The following RNF157 variants were observed in gnomAD, a reference collection of about 807,000 sequenced individuals.
RNF157 encodes the protein ring finger protein 157.
RNF157 carries 55 observed loss-of-function variants against 88.3 expected under a neutral mutation model. That is an observed-to-expected ratio of 0.62 (90% CI 0.50 to 0.78). The LOEUF (loss-of-function observed/expected upper bound fraction) is 0.78, where lower values mean the gene tolerates loss of function less well. RNF157 is among the 30% of genes least tolerant of loss of function. The probability of loss-of-function intolerance (pLI) is 0.00; values close to 1 mark genes in which losing one functional copy is unlikely to be tolerated. For missense variants in RNF157, 788 were observed against 860.8 expected, an observed-to-expected ratio of 0.92 and a Z score of 1.06; for synonymous variants, 334 against 341.2, an observed-to-expected ratio of 0.98 and a Z score of 0.23.
chr17:76,229,182 G>A (rs1200225417), intron 1 of RNF157, among the ~76,000 whole-genome samples: 1 of 152,080 alleles, frequency 6.6e-6, no homozygotes, highest in African/African-American at 2.4e-5. Flanking sequence ...TGTCTCTTCT[G>A]CCTCTCACTT....
chr17:76,204,046 C>T (rs1449184574), intron 2 of RNF157, among the ~76,000 whole-genome samples: 3 of 152,110 alleles, frequency 2.0e-5, no homozygotes, highest in South Asian at 2.1e-4. Flanking sequence ...GGATTACAGG[C>T]GTGAGCCACC....
At chr17:76,166,558 A>G in intron 5 of RNF157, 31 bp from the exon 6 acceptor site, 1 of 1,581,778 alleles carries the variant, frequency 6.3e-7, no homozygotes, top group Non-Finnish European at 8.7e-7. Flanking sequence ...AGGAAAAAAA[A>G]AGAGGACTTA....
chr17:76,152,211 A>G (rs924388387), intron 18 of RNF157, 144 bp downstream of exon 18: 10 of 637,156 alleles, frequency 1.6e-5, no homozygotes, highest in Non-Finnish European at 2.5e-5. Flanking sequence ...TACTTCCTTC[A>G]GCAACTGGTC....
At chr17:76,219,220 T>C (rs2069940707) in intron 1 of RNF157, among the ~76,000 whole-genome samples, 2 of 151,780 alleles carry the variant, frequency 1.3e-5, no homozygotes, top group Non-Finnish European at 2.9e-5. Context: ...GGGTAACCAT[T>C]AGAGAAAAAT....
At chr17:76,152,195 CCTT>C (rs1171517818) in intron 18 of RNF157, among the ~76,000 whole-genome samples, 157 bp downstream of exon 18, 1 of 152,228 alleles carries the variant, frequency 6.6e-6, no homozygotes, top group African/African-American at 2.4e-5. Context: ...CTCTCCCAGG[CCTT>C]CTTACTTCCT....
At position 76,176,732 on chromosome 17, in the gene RNF157, A is replaced by G. The variant is rs1388627922; in HGVS notation, c.208-2942T>C. Among the ~76,000 whole-genome samples the G allele has an allele frequency of 6.6e-6, 1 of 152,176 alleles. No individual in the cohort carries two copies. The highest frequency in any genetic ancestry group is 1.5e-5 in the Non-Finnish European group (1 of 68,018). Reference sequence around the variant, plus strand: ...GGCAGAAGAGCAGCGCGGTAGGGCAAAGAGGAGCCCCGAGGCGGAGCTGGG... The same window carrying G: ...GGCAGAAGAGCAGCGCGGTAGGGCAGAGAGGAGCCCCGAGGCGGAGCTGGG... On this transcript the variant is annotated intron_variant, in intron 2 of 18. Coordinates refer to ENST00000269391, the MANE Select transcript of RNF157 (RefSeq NM_052916.3). This position sits in a 1 kb window ranked among gnomAD's most constrained non-coding sequence, Gnocchi z 4.2.
intron 1 of RNF157, among the ~76,000 whole-genome samples, chr17:76,234,426 C>T (rs906120868): frequency 6.6e-5 from 10 of 152,110 alleles, no homozygotes; most frequent in Non-Finnish European, 1.3e-4. Flanking sequence ...TAGTAACTAG[C>T]CATCTGAGAA....
At chr17:76,180,629 T>C in intron 2 of RNF157, among the ~76,000 whole-genome samples, 1 of 152,232 alleles carries the variant, frequency 6.6e-6, no homozygotes, top group East Asian at 1.9e-4. Flanking sequence ...TTTACTATGT[T>C]GCCCAGGCTG....
intron 13 of RNF157, among the ~76,000 whole-genome samples, chr17:76,156,945 C>T (rs1014194940): frequency 2.0e-5 from 3 of 152,066 alleles, no homozygotes; most frequent in Non-Finnish European, 2.9e-5. Context: ...TCTTAGTTCA[C>T]GCAGTCCTTC....
At position 76,161,565 on chromosome 17, in the gene RNF157, TG is replaced by T. The variant is rs776473222; in HGVS notation, c.1034del (p.Ser345TyrfsTer22). On this transcript the variant is annotated frameshift_variant, in exon 11 of 19. Coordinates refer to ENST00000269391, the MANE Select transcript of RNF157 (RefSeq NM_052916.3). LOFTEE classifies it high-confidence loss of function. This position sits in a 1 kb window ranked among gnomAD's most constrained non-coding sequence, Gnocchi z 4.6. ...GCTCTTCAGAGTCAGATGTCTGGGA[TG>T]AGATGATGGGGTTAAAGCTGGTTGG... ...LSPTSFNPII[S>X]SQTSDSEEHP... is the part of the protein sequence containing the mutation. 6.2e-7 allele frequency: 1 copy of T among 1,613,378 alleles called. No individual in the cohort carries two copies.
rs1031601512 is a variant in RNF157 at position 76,146,812 on chromosome 17, G to A, written c.1922-1459C>T. On this transcript the variant is annotated intron_variant, in intron 18 of 18. Coordinates refer to ENST00000269391, the MANE Select transcript of RNF157 (RefSeq NM_052916.3). This position sits in a 1 kb window ranked among gnomAD's most constrained non-coding sequence, Gnocchi z 4.2. The stretch of plus-strand genomic sequence containing the variant: ...GACCCATAGGAGGACCTGTTCAGCG[G>A]ACAAGGCCGACCAACTGTAGAGTGT... 4 of 985,362 alleles carry A rather than the reference G, an allele frequency of 4.1e-6. No homozygotes were observed. In the African/African-American group the frequency reaches 5.2e-5, roughly 13 times the overall value. 61.0% of individuals were successfully genotyped at this position (985,362 alleles called of 1,614,324 possible).
rs190361207 is a variant in RNF157 at position 76,148,563 on chromosome 17, C to T, written c.1922-3210G>A. On this transcript the variant is annotated intron_variant, in intron 18 of 18. Coordinates refer to ENST00000269391, the MANE Select transcript of RNF157 (RefSeq NM_052916.3). ...ATTACAGGCGGGAGCCACCGTGCCC[C>T]GCCTTTTTTTTTTTTTTTTAAGATG... Among the ~76,000 whole-genome samples, 585 of 139,668 alleles carry T rather than the reference C, an allele frequency of 4.2e-3. 2 individuals are homozygous for T. The highest frequency in any genetic ancestry group is 7.4e-3 in the Non-Finnish European group (478 of 64,950). The allele number at this position is 139,668 out of a possible 152,430, so 91.6% of individuals were successfully genotyped here.
At chr17:76,145,384 C>A (rs781223598) in intron 18 of RNF157, 31 bp from the exon 19 acceptor site, 6 of 1,567,244 alleles carry the variant, frequency 3.8e-6, no homozygotes, top group Non-Finnish European at 5.3e-6. Flanking sequence ...ATTACAGGAG[C>A]CAGACCTTTG....
At position 76,225,905 on chromosome 17, in the gene RNF157, G is replaced by A. The variant is rs867152644; in HGVS notation, c.89-13423C>T. The A allele has an allele frequency of 6.8e-5, 109 of 1,613,138 alleles. 4 individuals are homozygous for A. The Middle Eastern group carries it at 4.6e-3, about 68-fold the overall frequency. ...CTCGCCAGTGAGAGCCTCCTGCTCC[G>A]CCCTCTTCTTCTGGCGGTACCTAGT... On this transcript the variant is annotated intron_variant, in intron 1 of 18. Transcript: ENST00000269391.
At chr17:76,230,787 AG>A (rs2070172675) in intron 1 of RNF157, among the ~76,000 whole-genome samples, 1 of 146,538 alleles carries the variant, frequency 6.8e-6, no homozygotes, top group Non-Finnish European at 1.5e-5. Flanking sequence ...GCAATGAGCC[AG>A]GATCACGCTA....
chr17:76,182,960 G>A (rs1036761940), intron 2 of RNF157, among the ~76,000 whole-genome samples: 6 of 150,900 alleles, frequency 4.0e-5, no homozygotes, highest in Non-Finnish European at 5.9e-5. Flanking sequence ...GTTACTTTTC[G>A]CTCTTGTTGC....
At chr17:76,184,613 T>G (rs576575178) in intron 2 of RNF157, among the ~76,000 whole-genome samples, 3 of 152,206 alleles carry the variant, frequency 2.0e-5, no homozygotes, top group Admixed American at 6.5e-5. Context: ...CTATATTAAC[T>G]GCAGTAAACC....
intron 6 of RNF157, among the ~76,000 whole-genome samples, chr17:76,165,993 G>T (rs1450743580): frequency 6.6e-6 from 1 of 151,362 alleles, no homozygotes; most frequent in Non-Finnish European, 1.5e-5. Flanking sequence ...ACATTTTTTT[G>T]AGACTGAGCC....
At chr17:76,155,229 C>T (rs776704365) in intron 16 of RNF157, 23 bp downstream of exon 16, 2 of 1,610,556 alleles carry the variant, frequency 1.2e-6, no homozygotes, top group Non-Finnish European at 8.5e-7. Flanking sequence ...GAAGGGGGCA[C>T]CACTCCGTGC....
Sources: gnomAD v4.1 joint callset for allele counts (sites outside exome capture counted in the v4.1 genomes callset) on GRCh38, gnomAD v4.1.1 for gene constraint, Gnocchi (gnomAD v3.1) non-coding constraint, MANE v1.5 for transcripts, NCBI Gene and HGNC (gene_info 2026-07-23, HGNC 2026-07-21) for gene names.